ANKRD36C: variants seen among roughly 807,000 people sequenced by gnomAD.
The protein encoded by ANKRD36C is ankyrin repeat domain-containing protein 36C.
ANKRD36C carries 61 observed loss-of-function variants against 276.4 expected under a neutral mutation model. That is an observed-to-expected ratio of 0.22 (90% confidence interval 0.18 to 0.27). The LOEUF is 0.27. Ranked by LOEUF, ANKRD36C falls within the 10% of genes least tolerant of loss-of-function variation. The probability of loss-of-function intolerance (pLI) is 1.00; values close to 1 mark genes in which losing one functional copy is unlikely to be tolerated. For missense variants in ANKRD36C, 1,447 were observed against 2,032.3 expected (o/e 0.71, Z 5.54); for synonymous variants, 483 against 680.1 (o/e 0.71, Z 4.51).
chr2:95,972,384 C>T (rs72935863), intron 6 of ANKRD36C, among the ~76,000 whole-genome samples: 12,564 of 152,164 alleles, frequency 0.083, 823 homozygotes, highest in East Asian at 0.18. Flanking sequence ...GACAATATTG[C>T]CCATGTGATG....
intron 59 of ANKRD36C, among the ~76,000 whole-genome samples, chr2:95,873,535 T>C (rs983944487): frequency 1.3e-5 from 2 of 152,166 alleles, no homozygotes; most frequent in Non-Finnish European, 2.9e-5. Context: ...ATAAGAGCTA[T>C]CTATGACAAA....
intron 46 of ANKRD36C, among the ~76,000 whole-genome samples, chr2:95,890,281 G>A (rs1478034598): frequency 6.6e-6 from 1 of 151,420 alleles, no homozygotes; most frequent in Non-Finnish European, 1.5e-5. Context: ...CGAGTGATGA[G>A]GACAAAGTGA....
At chr2:95,925,698 T>C (rs1367229892) in intron 28 of ANKRD36C, among the ~76,000 whole-genome samples, 151 bp from the exon 29 acceptor site, 11 of 151,502 alleles carry the variant, frequency 7.3e-5, no homozygotes, top group Admixed American at 6.6e-5. Context: ...GACAGGAACA[T>C]GAGGAAATAT....
chr2:95,873,167 T>G (rs1211113533), intron 59 of ANKRD36C, among the ~76,000 whole-genome samples: 1 of 152,192 alleles, frequency 6.6e-6, no homozygotes, highest in Non-Finnish European at 1.5e-5. Context: ...ACTCATTTTA[T>G]GAGGCCAGCA....
chr2:95,933,145 C>T (rs1677613128), intron 24 of ANKRD36C, among the ~76,000 whole-genome samples: 1 of 152,220 alleles, frequency 6.6e-6, no homozygotes, highest in Non-Finnish European at 1.5e-5. Flanking sequence ...TGTTCTATAT[C>T]GCTGTTTTGG....
At position 95,916,277 on chromosome 2, in the gene ANKRD36C, T is replaced by C. The variant is rs545336716; in HGVS notation, c.2348-106A>G. 15 of 1,551,396 alleles carry C rather than the reference T, an allele frequency of 9.7e-6. No homozygotes were observed. The African/African-American group carries it at 1.2e-4, about 13-fold the overall frequency. On this transcript the variant is annotated intron_variant, in intron 36 of 66. Transcript: ENST00000456556. ...ACCTCTGAACTCCTGCCTGTATTAG[T>C]GGAGGCTTTGATGGCTTCTACTTTG...
intron 54 of ANKRD36C, 96 bp downstream of exon 74, chr2:95,884,077 G>C: frequency 2.2e-6 from 3 of 1,356,848 alleles, no homozygotes; most frequent in Non-Finnish European, 3.1e-6. Context: ...GAATCAGAAT[G>C]TGCAGCTTCG....
At chr2:95,946,061 T>A (rs1573792202) in intron 17 of ANKRD36C, among the ~76,000 whole-genome samples, 1 of 148,132 alleles carries the variant, frequency 6.8e-6, no homozygotes, top group Admixed American at 6.9e-5. Flanking sequence ...TTAATTTGTT[T>A]ACTATAAAAT....
chr2:95,929,198 A>G lies in ANKRD36C; in HGVS notation c.1764+41T>C. On this transcript the variant is annotated intron_variant, in intron 25 of 66. Coordinates refer to ENST00000456556, the Ensembl canonical transcript of ANKRD36C. The stretch of plus-strand genomic sequence containing the variant: ...ATATGTAAAGTAGGTTTCATAGACT[A>G]TACAGTTAATAGTTCAACATATAAA... 3 of 1,596,462 alleles carry G rather than the reference A, an allele frequency of 1.9e-6. No homozygotes were observed. The South Asian group carries it at 3.3e-5, about 18-fold the overall frequency.
At chr2:95,877,611 ACTACAAG>A (rs1175365451) in intron 58 of ANKRD36C, among the ~76,000 whole-genome samples, 1 of 81,530 alleles carries the variant, frequency 1.2e-5, no homozygotes, top group Non-Finnish European at 2.5e-5. Flanking sequence ...ACACCATTAT[ACTACAAG>A]CATTTATCAT....
intron 24 of ANKRD36C, among the ~76,000 whole-genome samples, chr2:95,930,396 A>G (rs553542036): frequency 6.6e-6 from 1 of 151,672 alleles, no homozygotes; most frequent in Non-Finnish European, 1.5e-5. Flanking sequence ...TTCTAAATGC[A>G]TCTGAAGTGA....
At chr2:95,965,727 C>A (rs1678574155) in intron 6 of ANKRD36C, among the ~76,000 whole-genome samples, 1 of 152,068 alleles carries the variant, frequency 6.6e-6, no homozygotes, top group Non-Finnish European at 1.5e-5. Context: ...CATGGCATAT[C>A]ATTAGATCAT....
chr2:95,894,056 G>C (rs1287872492), intron 44 of ANKRD36C, among the ~76,000 whole-genome samples: 2 of 151,464 alleles, frequency 1.3e-5, no homozygotes, highest in East Asian at 3.9e-4. Flanking sequence ...ACACACCTGA[G>C]AATCAATGTC....
chr2:95,852,394 T>A, intron 64 of ANKRD36C, 198 bp from the exon 85 acceptor site: 1 of 556,986 alleles, frequency 1.8e-6, no homozygotes, highest in Non-Finnish European at 3.2e-6. Flanking sequence ...CTACACCCCT[T>A]CAGTCTGCAT....
intron 6 of ANKRD36C, among the ~76,000 whole-genome samples, chr2:95,970,285 CT>C (rs1678672110): frequency 6.6e-6 from 1 of 152,182 alleles, no homozygotes; most frequent in African/African-American, 2.4e-5. Context: ...TTAGTTCTAG[CT>C]ATTCATTCAC....
In ANKRD36C at chr2:95,920,404, T is replaced by C. The variant is rs536294268; in HGVS notation, c.2245+1203A>G. On this transcript the variant is annotated intron_variant, in intron 34 of 66. Coordinates refer to ENST00000456556, the Ensembl canonical transcript of ANKRD36C. ...CAGTTACCATGGCACTTCAGTTGAA[T>C]GTACACTTCACATCCCCTTCAGTGG... is the stretch of plus-strand genomic sequence containing the variant. Among the ~76,000 whole-genome samples, 5 of 132,562 alleles carry C rather than the reference T, an allele frequency of 3.8e-5. 1 individual carries two copies. The highest frequency in any genetic ancestry group is 2.3e-4 in the South Asian group (1 of 4,296). The allele number at this position is 132,562 out of a possible 152,430, so 87.0% of individuals were successfully genotyped here.
chr2:95,991,040 C>A (rs1679128191), intron 1 of ANKRD36C, among the ~76,000 whole-genome samples: 1 of 151,872 alleles, frequency 6.6e-6, no homozygotes, highest in African/African-American at 2.4e-5. Context: ...CTCGCCCCTG[C>A]CAAGGTTTCC....
At chr2:95,970,818 T>C (rs1293491127) in intron 6 of ANKRD36C, among the ~76,000 whole-genome samples, 1 of 152,206 alleles carries the variant, frequency 6.6e-6, no homozygotes, top group Non-Finnish European at 1.5e-5. Context: ...TTTTATAAAG[T>C]ACAACCTCTT....
chr2:95,853,866 T>C lies in ANKRD36C; in HGVS notation c.4996-5A>G, dbSNP rs771535845. 5 of 1,604,788 alleles carry C rather than the reference T, an allele frequency of 3.1e-6. No homozygotes were observed. The South Asian group carries it at 5.6e-5, about 18-fold the overall frequency. ...TTGAAGCTGTCTCACAGCTACCTGATAAGATGTTATTTTTGTTACTGATTT... is the reference window on the plus strand; with the variant it reads ...TTGAAGCTGTCTCACAGCTACCTGACAAGATGTTATTTTTGTTACTGATTT... On this transcript the variant is annotated splice_region_variant and splice_polypyrimidine_tract_variant and intron_variant, in intron 63 of 66. Coordinates refer to ENST00000456556, the Ensembl canonical transcript of ANKRD36C.
Sources: allele counts gnomAD v4.1 joint callset (sites outside exome capture counted in the v4.1 genomes callset), GRCh38; gene constraint gnomAD v4.1.1; transcripts MANE v1.5; gene names NCBI Gene and HGNC (gene_info 2026-07-23, HGNC 2026-07-21).